PTPRM: variants seen among roughly 807,000 people sequenced by gnomAD.
PTPRM encodes protein tyrosine phosphatase receptor type M.
In PTPRM, 47 loss-of-function variants were observed where a neutral mutation model predicts 186.7. That is an observed-to-expected ratio of 0.25 (90% CI 0.20 to 0.32). PTPRM has a LOEUF of 0.32. Among genes scored for constraint, PTPRM ranks in the 10% least tolerant of loss-of-function variants. The probability of loss-of-function intolerance (pLI) is 1.00; values close to 1 mark genes in which losing one functional copy is unlikely to be tolerated. For missense variants in PTPRM, 1,494 were observed against 1,865.0 expected, an observed-to-expected ratio of 0.80 and a Z score of 3.66; for synonymous variants, 668 against 674.9, an observed-to-expected ratio of 0.99 and a Z score of 0.16.
intron 14 of PTPRM, among the ~76,000 whole-genome samples, chr18:8,183,467 T>C (rs909606199): frequency 5.3e-5 from 8 of 152,220 alleles, no homozygotes; most frequent in African/African-American, 1.9e-4. Flanking sequence ...TTGTTTGTCC[T>C]GCAATATCTG....
At position 8,406,497 on chromosome 18, in the gene PTPRM, C is replaced by T. The variant is rs979489591; in HGVS notation, c.*335C>T. ...ACCTTTGGGGTATTATTTTGTGGCC[C>T]GTGACCCTCGTTATTGTTACAGCTG... On this transcript the variant is annotated 3_prime_UTR_variant, in exon 33 of 33. Transcript: ENST00000580170. 3.0e-4 allele frequency: 72 copies of T among 239,976 alleles called. No homozygotes were observed. Among genetic ancestry groups the T allele is most frequent in the Admixed American group, 2.0e-4 (4 of 19,984 alleles). The allele number at this position is 239,976 out of a possible 1,614,324, so 14.9% of individuals were successfully genotyped here.
intron 2 of PTPRM, among the ~76,000 whole-genome samples, chr18:7,817,723 T>A (rs998681005): frequency 1.1e-4 from 17 of 152,162 alleles, no homozygotes; most frequent in African/African-American, 4.1e-4. Flanking sequence ...TTATCTCTGG[T>A]AGGATAATTG....
chr18:7,699,798 C>T (rs953663698), intron 1 of PTPRM, among the ~76,000 whole-genome samples: 3 of 151,918 alleles, frequency 2.0e-5, no homozygotes, highest in Admixed American at 6.6e-5. Context: ...GCCAGGGTCA[C>T]CAATATACTC....
intron 1 of PTPRM, among the ~76,000 whole-genome samples, chr18:7,700,862 T>C (rs1233993875): frequency 6.6e-6 from 1 of 150,520 alleles, no homozygotes; most frequent in East Asian, 2.0e-4. Flanking sequence ...TGGTAGTGTA[T>C]ACCTGTACTC....
At chr18:8,380,567 G>A (rs2095726915) in intron 29 of PTPRM, 140 bp downstream of exon 29, 1 of 981,694 alleles carries the variant, frequency 1.0e-6, no homozygotes, top group South Asian at 1.7e-5. Flanking sequence ...TGGGGATGCT[G>A]AACACAACGG....
chr18:7,981,142 C>T (rs2082528113), intron 7 of PTPRM, among the ~76,000 whole-genome samples: 1 of 152,174 alleles, frequency 6.6e-6, no homozygotes, highest in Non-Finnish European at 1.5e-5. Flanking sequence ...CGCTGGTTTT[C>T]TACTACTCCT....
intron 23 of PTPRM, among the ~76,000 whole-genome samples, chr18:8,344,394 A>G (rs2095492096): frequency 6.7e-6 from 1 of 150,260 alleles, no homozygotes; most frequent in Admixed American, 6.6e-5. Flanking sequence ...ATATATATAT[A>G]TATACATACA....
chr18:7,784,681 T>A (rs1010156967), intron 2 of PTPRM, among the ~76,000 whole-genome samples: 7 of 152,340 alleles, frequency 4.6e-5, no homozygotes, highest in Admixed American at 1.3e-4. Flanking sequence ...AAATTGCAGC[T>A]CTTTTCTCCT....
intron 14 of PTPRM, among the ~76,000 whole-genome samples, chr18:8,192,610 C>A (rs983442842): frequency 2.6e-4 from 40 of 151,840 alleles, no homozygotes; most frequent in Non-Finnish European, 5.0e-4. Context: ...TTAAAAAAAT[C>A]AAAAATACTG....
chr18:7,722,430 C>T (rs1402081955), intron 1 of PTPRM, among the ~76,000 whole-genome samples: 4 of 151,692 alleles, frequency 2.6e-5, no homozygotes, highest in South Asian at 2.1e-4. Flanking sequence ...TACTGTACAC[C>T]GTACACCATC....
At chr18:7,917,599 T>C (rs1486442942) in intron 4 of PTPRM, among the ~76,000 whole-genome samples, 1 of 152,206 alleles carries the variant, frequency 6.6e-6, no homozygotes, top group Non-Finnish European at 1.5e-5. Context: ...CATGTGATAA[T>C]TTAATACATG....
At chr18:7,773,410 A>G (rs1344923769) in intron 1 of PTPRM, among the ~76,000 whole-genome samples, 1 of 152,052 alleles carries the variant, frequency 6.6e-6, no homozygotes, top group East Asian at 1.9e-4. Flanking sequence ...CATTTTTTGG[A>G]CAAATTATAA....
chr18:8,358,464 C>G (rs1303151590), intron 23 of PTPRM, among the ~76,000 whole-genome samples: 3 of 152,276 alleles, frequency 2.0e-5, no homozygotes, highest in Non-Finnish European at 2.9e-5. Flanking sequence ...ATCTTCCTAT[C>G]TGTTTCTCAC....
chr18:7,798,933 C>T (rs2043812555), intron 2 of PTPRM, among the ~76,000 whole-genome samples: 1 of 152,096 alleles, frequency 6.6e-6, no homozygotes, highest in Non-Finnish European at 1.5e-5. Flanking sequence ...CATTTTTGCA[C>T]CGGTAATTAC....
At chr18:7,944,524 T>C (rs979991875) in intron 5 of PTPRM, among the ~76,000 whole-genome samples, 2 of 152,218 alleles carry the variant, frequency 1.3e-5, no homozygotes. Flanking sequence ...ATCTTTAACA[T>C]GTCATACTTC....
chr18:7,766,488 G>A (rs2042019892), intron 1 of PTPRM, among the ~76,000 whole-genome samples: 1 of 152,210 alleles, frequency 6.6e-6, no homozygotes, highest in Non-Finnish European at 1.5e-5. Context: ...GTGGATGGCA[G>A]AGGAGTTACT....
chr18:7,582,999 A>G (rs1486213562), intron 1 of PTPRM, among the ~76,000 whole-genome samples: 1 of 152,154 alleles, frequency 6.6e-6, no homozygotes, highest in African/African-American at 2.4e-5. Flanking sequence ...TATGAATTCT[A>G]CTTCCTTGGT....
chr18:7,873,438 T>A (rs929373742), intron 2 of PTPRM, among the ~76,000 whole-genome samples: 4 of 152,238 alleles, frequency 2.6e-5, no homozygotes, highest in African/African-American at 9.6e-5. Flanking sequence ...CTTTTCTGTG[T>A]GACCTTAGGG....
chr18:8,200,758 C>A (rs923136128), intron 14 of PTPRM, among the ~76,000 whole-genome samples: 1 of 152,150 alleles, frequency 6.6e-6, no homozygotes, highest in South Asian at 2.1e-4. Flanking sequence ...ACCTTTTACC[C>A]AGATTCCCCA....
Sources: gnomAD v4.1 joint callset for allele counts (sites outside exome capture counted in the v4.1 genomes callset) on GRCh38, gnomAD v4.1.1 for gene constraint, MANE v1.5 for transcripts, NCBI Gene and HGNC (gene_info 2026-07-23, HGNC 2026-07-21) for gene names.